FLNA: variants seen among roughly 807,000 people sequenced by gnomAD.
FLNA encodes filamin A.
A neutral mutation model predicts 157.6 loss-of-function variants in FLNA; 7 were observed. That is an observed-to-expected ratio of 0.04 (90% CI 0.03 to 0.08). The LOEUF is 0.08. Among genes scored for constraint, FLNA ranks in the 10% least tolerant of loss-of-function variants. FLNA has a pLI of 1.00. For missense variants in FLNA, 1,750 were observed against 2,398.4 expected (o/e 0.73, Z 5.65); for synonymous variants, 1,103 against 1,060.8 (o/e 1.04, Z -0.77).
chrX:154,354,532 G>A, intron 32 of FLNA, 49 bp from the exon 33 acceptor site: 1 of 1,171,584 alleles, frequency 8.5e-7, no homozygotes, highest in Non-Finnish European at 1.2e-6. Context: ...GAGGATCTGG[G>A]GTCCCTCCTC....
intron 2 of FLNA, among the ~76,000 whole-genome samples, chrX:154,368,324 C>T (rs781924005): frequency 2.7e-5 from 3 of 111,865 alleles, no homozygotes; most frequent in South Asian, 3.7e-4. Context: ...CACACACACA[C>T]GATGCCAGCA....
rs1603364117 is a variant in FLNA, at chrX:154,371,481, C to T, written c.-116-120G>A. On this transcript the variant is annotated intron_variant, in intron 1 of 47. Transcript: ENST00000369850. Reference sequence around the variant, plus strand: ...CGCGCCTGCCCCACCCCGCCCCGCCCGTTGGAATGCCCCCACTAGGCCCCC... The same window carrying T: ...CGCGCCTGCCCCACCCCGCCCCGCCTGTTGGAATGCCCCCACTAGGCCCCC... 2.0e-5 allele frequency: 8 copies of T among 405,235 alleles called. No individual in the cohort carries two copies. The South Asian group carries it at 2.6e-4, about 13-fold the overall frequency. The allele number at this position is 405,235 out of a possible 1,213,427, so 33.4% of individuals were successfully genotyped here.
intron 5 of FLNA, 40 bp downstream of exon 5, chrX:154,367,357 A>T: frequency 8.4e-7 from 1 of 1,197,544 alleles, no homozygotes; most frequent in African/African-American, 1.7e-5. Context: ...TATGGGGAAG[A>T]CGTTGGCACA....
rs782474134 is a variant in FLNA, at chrX:154,366,474, T to C, written c.1066-4A>G. ...GGCCAGCAAAGAGCACAGTAACCTG[T>C]CCCCAGAAGGGTGGGCCGTGAGGGT... On this transcript the variant is annotated splice_polypyrimidine_tract_variant and splice_region_variant and intron_variant, in intron 7 of 47. Coordinates refer to ENST00000369850, the MANE Select transcript of FLNA (RefSeq NM_001110556.2). 43 of 1,208,907 alleles carry C rather than the reference T, an allele frequency of 3.6e-5. No homozygotes were observed. The highest frequency in any genetic ancestry group is 3.0e-5 in the Non-Finnish European group (27 of 894,304).
chrX:154,358,130 C>T lies in FLNA; in HGVS notation c.4755+69G>A, dbSNP rs1178295729. The T allele has an allele frequency of 1.2e-5, 13 of 1,117,306 alleles. No individual in the cohort carries two copies. The African/African-American group carries it at 2.3e-4, about 20-fold the overall frequency. 92.1% of individuals were successfully genotyped at this position (1,117,306 alleles called of 1,213,427 possible). A position where few individuals can be genotyped will look rare whatever the true frequency, so the allele number is the denominator to read the frequency against. On this transcript the variant is annotated intron_variant, in intron 28 of 47. Transcript: ENST00000369850. Reference sequence around the variant, plus strand: ...GCAGCTCCGCAGGGAGATCAGACACCAGCCACCCGCAGCCCACACTCCAGC... The same window carrying T: ...GCAGCTCCGCAGGGAGATCAGACACTAGCCACCCGCAGCCCACACTCCAGC...
intron 5 of FLNA, among the ~76,000 whole-genome samples, chrX:154,367,148 A>T: frequency 8.9e-6 from 1 of 111,874 alleles, no homozygotes; most frequent in Non-Finnish European, 1.9e-5. Flanking sequence ...CTCCATTTAT[A>T]ATAAAGACCG....
chrX:154,368,646 C>CA (rs1275806503), intron 2 of FLNA, among the ~76,000 whole-genome samples: 2 of 112,429 alleles, frequency 1.8e-5, no homozygotes, highest in Non-Finnish European at 3.8e-5. Flanking sequence ...GGGAGTTGGG[C>CA]AAACGCCCTT....
chrX:154,370,784 G>T, intron 2 of FLNA, 89 bp downstream of exon 2: 1 of 997,845 alleles, frequency 1.0e-6, no homozygotes, highest in Non-Finnish European at 1.4e-6. Context: ...GGCCCGGAAG[G>T]GGGTGGTTTG....
At chrX:154,371,998 C>T (rs1557180447) in intron 1 of FLNA, among the ~76,000 whole-genome samples, 1 of 113,963 alleles carries the variant, frequency 8.8e-6, no homozygotes, top group Admixed American at 9.1e-5. Context: ...TCCCCGCAGA[C>T]CCCCTGCCAC....
rs782470966 is a variant in FLNA at position 154,362,495 on chromosome X, C to T, written c.2488G>A (p.Asp830Asn). 4 of 1,211,688 alleles carry T rather than the reference C, an allele frequency of 3.3e-6. No individual in the cohort carries two copies. In the South Asian group the frequency reaches 5.3e-5, roughly 16 times the overall value. ...ADIDFDIIRN[D>N]NDTFTVKYTP... ...TACTTGACCGTGAAGGTGTCATTGT[C>T]ATTGCGGATGATGTCGAAGTCGATG... Residue 830 changes from aspartate to asparagine, a missense_variant, in exon 17 of 48, where the codon GAC (aspartate) becomes AAC (asparagine). By Grantham distance (23) the Asp-to-Asn change is conservative. Transcript: ENST00000369850.
chrX:154,358,671 C>CT (rs2067681189), intron 26 of FLNA, 103 bp from the exon 27 acceptor site: 1 of 1,015,017 alleles, frequency 9.9e-7, no homozygotes, highest in Non-Finnish European at 1.4e-6. Context: ...CTAGACCTCG[C>CT]TTTATCCTCA....
At position 154,366,864 on chromosome X, in the gene FLNA, G is replaced by A; in HGVS notation, c.869-14C>T. 4 of 1,171,372 alleles carry A rather than the reference G, an allele frequency of 3.4e-6. No individual in the cohort carries two copies. The highest frequency in any genetic ancestry group is 4.7e-6 in the Non-Finnish European group (4 of 858,823). ...TGGGCTCGATGCCTGGCAGGGGAAG[G>A]CGAGCCAACCACGGGCCAGCTGTTA... On this transcript the variant is annotated splice_polypyrimidine_tract_variant and intron_variant, in intron 5 of 47. Transcript: ENST00000369850.
Position 154,361,811 on chromosome X carries a change from G to C in FLNA, c.2827-24C>G, listed in dbSNP as rs376670835. ...CCCTGGGAAGGGTGCAGAAGGGAAG[G>C]GGGTATTTAGAGACACCAGAATTGC... is the stretch of plus-strand genomic sequence containing the variant. On this transcript the variant is annotated intron_variant, in intron 19 of 47. Coordinates refer to ENST00000369850, the MANE Select transcript of FLNA (RefSeq NM_001110556.2). The C allele has an allele frequency of 8.1e-5, 93 of 1,147,487 alleles. No homozygotes were observed. In the African/African-American group the frequency reaches 9.9e-4, roughly 12 times the overall value. 94.6% of individuals were successfully genotyped at this position (1,147,487 alleles called of 1,213,427 possible).
At chrX:154,354,524 G>A (rs1557176475) in intron 32 of FLNA, 41 bp from the exon 33 acceptor site, 1 of 1,179,590 alleles carries the variant, frequency 8.5e-7, no homozygotes, top group Non-Finnish European at 1.2e-6. Flanking sequence ...GACAGTGGGA[G>A]GATCTGGGGT....
rs200615848 is a variant in FLNA, at chrX:154,359,631, T to C, written c.3995A>G (p.Asp1332Gly). The part of the protein sequence containing the change: ...TPYEEGLHSV[D>G]VTYDGSPVPS... ...CACGGGACTGCCGTCATAGGTCACGTCCACGGAGTGCAGTCCTGGAGGAGT... is the reference window on the plus strand; with the variant it reads ...CACGGGACTGCCGTCATAGGTCACGCCCACGGAGTGCAGTCCTGGAGGAGT... Residue 1332 changes from aspartate (D) to glycine (G), a missense_variant, in exon 24 of 48, where the codon GAC becomes GGC. Transcript: ENST00000369850. 287 of 1,209,514 alleles carry C rather than the reference T, an allele frequency of 2.4e-4. No homozygotes were observed. Among genetic ancestry groups the C allele is most frequent in the Non-Finnish European group, 3.1e-4 (277 of 895,121 alleles).
chrX:154,364,531 C>G lies in FLNA; in HGVS notation c.2017G>C (p.Asp673His). 3 of 1,209,955 alleles carry G rather than the reference C, an allele frequency of 2.5e-6. No individual in the cohort carries two copies. The highest frequency in any genetic ancestry group is 3.5e-5 in the South Asian group (2 of 56,940). ...CATCACAGCCTGCTCTTTACCCTGT[C>G]TGGGTGGAAGTCCTGGGGCGCGTCA... Reference protein sequence around the residue: ...IRDAPQDFHPDRVKARGPGLE... With the variant: ...IRDAPQDFHPHRVKARGPGLE... Residue 673 changes from aspartate to histidine, a missense_variant, in exon 13 of 48, where the codon GAC (aspartate) becomes CAC (histidine). Transcript: ENST00000369850.
Position 154,354,999 on chromosome X carries a change from T to C in FLNA, c.5043A>G (p.Lys1681=). ...TGCACACGGTGCACGTCACTTTGCC[T>C]TTGCCTGCCGCCTTAGTGTCCACAG... ...VITVDTKAAG[K]GKVTCTVCTP... is the part of the protein sequence containing the mutation. Residue 1681 remains lysine, a synonymous_variant, in exon 31 of 48, where the codon AAA becomes AAG. Transcript: ENST00000369850. 1 of 1,211,937 alleles carries C rather than the reference T, an allele frequency of 8.3e-7. No individual in the cohort carries two copies. The highest frequency in any genetic ancestry group is 1.1e-6 in the Non-Finnish European group (1 of 895,446).
At chrX:154,350,259 A>AGAT in intron 44 of FLNA, 52 bp from the exon 45 acceptor site, 2 of 1,099,185 alleles carry the variant, frequency 1.8e-6, no homozygotes, top group Non-Finnish European at 2.5e-6. Context: ...TCAAACCAGC[A>AGAT]GATGGTGTCT....
chrX:154,354,066 G>A (rs2067643549), intron 34 of FLNA, 23 bp from the exon 35 acceptor site: 2 of 1,210,787 alleles, frequency 1.7e-6, no homozygotes, highest in African/African-American at 1.7e-5. Flanking sequence ...GAAGGGCCTT[G>A]TGGAATGGCA....
Sources: gnomAD v4.1 joint callset for allele counts (sites outside exome capture counted in the v4.1 genomes callset) on GRCh38, gnomAD v4.1.1 for gene constraint, MANE v1.5 for transcripts, NCBI Gene and HGNC (gene_info 2026-07-23, HGNC 2026-07-21) for gene names.